Variants in PHLPP1 observed in about 807,000 individuals in gnomAD.
The protein encoded by PHLPP1 is PH domain and leucine rich repeat protein phosphatase 1.
In PHLPP1, 42 loss-of-function variants were observed where a neutral mutation model predicts 117.2. That is an observed-to-expected ratio of 0.36 (90% CI 0.28 to 0.46). PHLPP1 has a LOEUF of 0.46. PHLPP1 is among the 20% of genes least tolerant of loss of function. The pLI, the probability that PHLPP1 is intolerant of heterozygous loss-of-function variation, is 1.00. For missense variants in PHLPP1, 2,084 were observed against 2,241.9 expected, an observed-to-expected ratio of 0.93 and a Z score of 1.42; for synonymous variants, 1,042 against 970.7, an observed-to-expected ratio of 1.07 and a Z score of -1.37.
intron 1 of PHLPP1, among the ~76,000 whole-genome samples, chr18:62,776,037 G>A (rs781045490): frequency 6.6e-6 from 1 of 151,870 alleles, no homozygotes; most frequent in Non-Finnish European, 1.5e-5. Context: ...TCTATACATA[G>A]GCATAGATAT....
At chr18:62,851,415 T>C (rs1915346690) in intron 3 of PHLPP1, among the ~76,000 whole-genome samples, 1 of 152,320 alleles carries the variant, frequency 6.6e-6, no homozygotes. Flanking sequence ...TCATAGATCC[T>C]ACCTCTCCCA....
At chr18:62,839,689 C>T (rs972351288) in intron 3 of PHLPP1, 1 of 147,370 alleles carries the variant, frequency 6.8e-6, no homozygotes, top group Non-Finnish European at 1.5e-5. Context: ...TACACTACAG[C>T]CTTGGTGACA....
At chr18:62,883,719 A>G (rs529290836) in intron 4 of PHLPP1, among the ~76,000 whole-genome samples, 18 of 152,276 alleles carry the variant, frequency 1.2e-4, no homozygotes, top group Middle Eastern at 3.4e-3. Flanking sequence ...ACTCTTGAGG[A>G]CAATTGTGTT....
intron 1 of PHLPP1, among the ~76,000 whole-genome samples, chr18:62,762,862 A>C (rs1210250012): frequency 6.6e-6 from 1 of 152,218 alleles, no homozygotes; most frequent in East Asian, 1.9e-4. Context: ...CCTCTATTGC[A>C]TGTATATAAT....
intron 3 of PHLPP1, among the ~76,000 whole-genome samples, chr18:62,852,160 A>G (rs2144353975): frequency 6.6e-6 from 1 of 152,134 alleles, no homozygotes; most frequent in South Asian, 2.1e-4. Flanking sequence ...AATTACAGGC[A>G]TGAGTCACTG....
At chr18:62,814,107 G>A (rs1163289707) in intron 1 of PHLPP1, among the ~76,000 whole-genome samples, 1 of 152,106 alleles carries the variant, frequency 6.6e-6, no homozygotes, top group African/African-American at 2.4e-5. Context: ...TTATCAAAAG[G>A]TTCAGGGCAT....
In PHLPP1 at chr18:62,773,601, G is replaced by A. The variant is rs2116348; in HGVS notation, c.1576+56342G>A. On this transcript the variant is annotated intron_variant, in intron 1 of 16. Transcript: ENST00000262719. ...TAAATAAAATTATTTTTGGGGTGAG[G>A]GGGATGGGTTCTGTTTGTTTGTTGT... 3.9e-3 allele frequency among the ~76,000 whole-genome samples: 601 copies of A among 152,240 alleles called. 27 individuals are homozygous for A. In the East Asian group the frequency reaches 0.093, roughly 23 times the overall value.
At chr18:62,899,746 T>C (rs954087052) in intron 6 of PHLPP1, among the ~76,000 whole-genome samples, 6 of 152,166 alleles carry the variant, frequency 3.9e-5, no homozygotes, top group African/African-American at 1.2e-4. Flanking sequence ...CGCAGGTCAT[T>C]AGAGCCTTGA....
chr18:62,962,833 C>A (rs1340819192), intron 13 of PHLPP1, among the ~76,000 whole-genome samples: 2 of 151,596 alleles, frequency 1.3e-5, no homozygotes, highest in African/African-American at 4.9e-5. Flanking sequence ...TTGGCTATAC[C>A]CGTGAGGAGA....
intron 15 of PHLPP1, among the ~76,000 whole-genome samples, chr18:62,974,026 A>G (rs970053032): frequency 6.6e-6 from 1 of 152,190 alleles, no homozygotes; most frequent in Admixed American, 6.5e-5. Flanking sequence ...ATGCACACAC[A>G]TACACATGTG....
chr18:62,834,305 C>T (rs978058322), intron 2 of PHLPP1, among the ~76,000 whole-genome samples: 2 of 152,144 alleles, frequency 1.3e-5, no homozygotes, highest in African/African-American at 4.8e-5. Context: ...CACATCGCTC[C>T]ACCTTAATTG....
chr18:62,838,614 T>C, intron 2 of PHLPP1, 170 bp from the exon 3 acceptor site: 2 of 554,672 alleles, frequency 3.6e-6, no homozygotes, highest in South Asian at 6.4e-5. Context: ...GGTTTCTTTG[T>C]AATTCAAATT....
At chr18:62,857,115 A>C (rs199584402) in intron 3 of PHLPP1, among the ~76,000 whole-genome samples, 1 of 120,258 alleles carries the variant, frequency 8.3e-6, no homozygotes, top group Admixed American at 8.7e-5. Context: ...AAAATGAAAA[A>C]AAGTACAATG....
chr18:62,758,545 A>T (rs904281307), intron 1 of PHLPP1, among the ~76,000 whole-genome samples: 1 of 152,228 alleles, frequency 6.6e-6, no homozygotes, highest in Non-Finnish European at 1.5e-5. Context: ...CAAATAAAAA[A>T]AATTTAGCTT....
At chr18:62,760,973 C>T (rs1305952758) in intron 1 of PHLPP1, among the ~76,000 whole-genome samples, 1 of 152,122 alleles carries the variant, frequency 6.6e-6, no homozygotes, top group Non-Finnish European at 1.5e-5. Context: ...GATCCTCCTG[C>T]CTCAGCCTCC....
chr18:62,735,688 G>T (rs1486642982), intron 1 of PHLPP1, among the ~76,000 whole-genome samples: 2 of 152,064 alleles, frequency 1.3e-5, no homozygotes, highest in African/African-American at 2.4e-5. Context: ...CTGATGATGG[G>T]TAAAAGAAAG....
chr18:62,758,650 A>G (rs532485959), intron 1 of PHLPP1, among the ~76,000 whole-genome samples: 5 of 152,278 alleles, frequency 3.3e-5, no homozygotes, highest in Admixed American at 6.5e-5. Flanking sequence ...TAAGTTTGTA[A>G]CTTTCCCTAG....
rs201438089 is a variant in PHLPP1 at position 62,895,999 on chromosome 18, A to T, written c.2432A>T (p.His811Leu). 9 of 1,603,826 alleles carry T rather than the reference A, an allele frequency of 5.6e-6. No homozygotes were observed. Among genetic ancestry groups the T allele is most frequent in the Non-Finnish European group, 7.7e-6 (9 of 1,170,842 alleles). ...TTAAGAAAAATGCCTCACATTAAAC[A>T]TGTGGATCTAAGGTAACCATTTTTG... ...QALRKMPHIKHVDLRLNVIRK... is the reference protein window; with the variant it reads ...QALRKMPHIKLVDLRLNVIRK... The change falls in exon 6 of 17, where the codon CAT becomes CTT. Residue 811 changes from histidine to leucine, a missense_variant. Physicochemically the swap from His to Leu is moderately conservative, Grantham distance 99. Coordinates refer to ENST00000262719, the MANE Select transcript of PHLPP1 (RefSeq NM_194449.4).
chr18:62,770,377 T>C (rs1912719941), intron 1 of PHLPP1, among the ~76,000 whole-genome samples: 1 of 152,232 alleles, frequency 6.6e-6, no homozygotes, highest in Non-Finnish European at 1.5e-5. Context: ...CCCAAAGTGC[T>C]GGGATTCCAG....
Sources: gnomAD v4.1 joint callset for allele counts (sites outside exome capture counted in the v4.1 genomes callset) on GRCh38, gnomAD v4.1.1 for gene constraint, MANE v1.5 for transcripts, NCBI Gene and HGNC (gene_info 2026-07-23, HGNC 2026-07-21) for gene names.